LRRTM4: variants seen among roughly 807,000 people sequenced by gnomAD.
LRRTM4 encodes leucine rich repeat transmembrane neuronal 4, also known as leucine-rich repeat transmembrane neuronal protein 4.
A neutral mutation model predicts 47.6 loss-of-function variants in LRRTM4; 25 were observed. The observed-to-expected ratio is 0.53, with a 90% CI of 0.38 to 0.73. The LOEUF (loss-of-function observed/expected upper bound fraction) is 0.73. Ranked by LOEUF, LRRTM4 falls within the 30% of genes least tolerant of loss-of-function variation. The pLI, the probability that LRRTM4 is intolerant of heterozygous loss-of-function variation, is 0.00. For synonymous variants in LRRTM4, 311 were observed against 269.5 expected (o/e 1.15, Z -1.51); for missense variants, 638 against 713.4 (o/e 0.89, Z 1.20).
chr2:77,102,933 G>A (rs1670995149), intron 3 of LRRTM4, among the ~76,000 whole-genome samples: 1 of 152,106 alleles, frequency 6.6e-6, no homozygotes, highest in African/African-American at 2.4e-5. Flanking sequence ...GTGAGTCTCT[G>A]TGTCAGAGAC....
chr2:77,215,279 A>T (rs1302297288), intron 3 of LRRTM4, among the ~76,000 whole-genome samples: 1 of 152,208 alleles, frequency 6.6e-6, no homozygotes, highest in Non-Finnish European at 1.5e-5. Flanking sequence ...TTTCGAAGGG[A>T]ATGAGGTCAG....
At chr2:77,085,944 C>G (rs901122639) in intron 3 of LRRTM4, among the ~76,000 whole-genome samples, 1 of 152,126 alleles carries the variant, frequency 6.6e-6, no homozygotes, top group Non-Finnish European at 1.5e-5. Context: ...GAAGAAATTT[C>G]TTTATGCTAT....
At position 77,179,898 on chromosome 2, in the gene LRRTM4, ATAGT is replaced by A. The variant is rs200529031; in HGVS notation, c.1551+338416_1551+338419del. Among the ~76,000 whole-genome samples, 441 of 152,282 alleles carry A rather than the reference ATAGT, an allele frequency of 2.9e-3. 2 individuals are homozygous for A. The highest frequency in any genetic ancestry group is 9.4e-3 in the African/African-American group (389 of 41,584). On this transcript the variant is annotated intron_variant, in intron 3 of 3. Transcript: ENST00000409884. ...AAGTAAAAATTCACCAAGAAACAAC[ATAGT>A]TAATCAGAAATACATAAGTGTATTG...
chr2:77,351,590 T>C (rs1402658482), intron 3 of LRRTM4, among the ~76,000 whole-genome samples: 6 of 146,946 alleles, frequency 4.1e-5, no homozygotes, highest in Admixed American at 3.4e-4. Context: ...AAAATTAACA[T>C]GCTTTTGTGA....
intron 3 of LRRTM4, among the ~76,000 whole-genome samples, chr2:76,929,463 C>T (rs1364558557): frequency 2.6e-5 from 4 of 152,178 alleles, no homozygotes; most frequent in South Asian, 2.1e-4. Context: ...GTCCACCCAT[C>T]GGAGTTGGGT....
At chr2:77,007,180 A>G (rs1677686848) in intron 3 of LRRTM4, among the ~76,000 whole-genome samples, 1 of 152,036 alleles carries the variant, frequency 6.6e-6, no homozygotes, top group African/African-American at 2.4e-5. Context: ...ACACACACAC[A>G]CGCATATATA....
chr2:77,424,313 T>C (rs1490920507), intron 3 of LRRTM4, among the ~76,000 whole-genome samples: 1 of 152,342 alleles, frequency 6.6e-6, no homozygotes, highest in Admixed American at 6.5e-5. Context: ...GAAAAAAATG[T>C]TGAGAATTTC....
At chr2:77,198,876 C>T (rs1391499743) in intron 3 of LRRTM4, among the ~76,000 whole-genome samples, 1 of 152,132 alleles carries the variant, frequency 6.6e-6, no homozygotes, top group Non-Finnish European at 1.5e-5. Context: ...CATCATGTTG[C>T]CTGCATATAT....
rs199521864 is a variant in LRRTM4, at chr2:77,480,783, G to GCAGTGTGTGTGTGT, written c.1551+37534_1551+37535insACACACACACACTG. On this transcript the variant is annotated intron_variant, in intron 3 of 3. Coordinates refer to ENST00000409884, the MANE Select transcript of LRRTM4 (RefSeq NM_001134745.3). Reference sequence around the variant, plus strand: ...AAACTTGCTATGTGTGGCTGTTTTAGGAGTGTGTGTGTGTGTGTGTGTGTG... The same window carrying GCAGTGTGTGTGTGT: ...AAACTTGCTATGTGTGGCTGTTTTAGCAGTGTGTGTGTGTGAGTGTGTGTGTGTGTGTGTGTGTG... Among the ~76,000 whole-genome samples the GCAGTGTGTGTGTGT allele has an allele frequency of 2.7e-4, 26 of 97,102 alleles. 2 individuals carry two copies. The highest frequency in any genetic ancestry group is 1.8e-3 in the East Asian group (5 of 2,730). The allele number at this position is 97,102 out of a possible 152,430, so 63.7% of individuals were successfully genotyped here. A position where few individuals can be genotyped will look rare whatever the true frequency, so the allele number is the denominator to read the frequency against.
chr2:76,807,191 C>G (rs1342497255), intron 3 of LRRTM4, among the ~76,000 whole-genome samples: 12 of 151,560 alleles, frequency 7.9e-5, no homozygotes, highest in Non-Finnish European at 1.5e-5. Flanking sequence ...AAATAATGAA[C>G]ACTGTTTGAC....
chr2:76,766,019 T>C (rs990229387), intron 3 of LRRTM4, among the ~76,000 whole-genome samples: 11 of 152,196 alleles, frequency 7.2e-5, no homozygotes, highest in African/African-American at 2.7e-4. Context: ...ATCTAATTTA[T>C]AGACTCTGGA....
intron 3 of LRRTM4, among the ~76,000 whole-genome samples, chr2:76,807,443 TAC>T (rs1553412637): frequency 3.0e-5 from 3 of 99,506 alleles, no homozygotes; most frequent in African/African-American, 6.0e-5. Flanking sequence ...TATACGTATA[TAC>T]ATATATATAT....
At chr2:77,045,721 T>C (rs1324888902) in intron 3 of LRRTM4, among the ~76,000 whole-genome samples, 2 of 151,970 alleles carry the variant, frequency 1.3e-5, no homozygotes, top group South Asian at 4.1e-4. Flanking sequence ...ATTGTGAGGC[T>C]TCTCCAGCCA....
At position 77,309,688 on chromosome 2, in the gene LRRTM4, TA is replaced by T. The variant is rs1279489697; in HGVS notation, c.1551+208629del. 7.3e-5 allele frequency among the ~76,000 whole-genome samples: 4 copies of T among 54,506 alleles called. No individual in the cohort carries two copies. The East Asian group carries it at 1.5e-3, about 21-fold the overall frequency. 35.8% of individuals were successfully genotyped at this position (54,506 alleles called of 152,430 possible). A position where few individuals can be genotyped will look rare whatever the true frequency, so the allele number is the denominator to read the frequency against. ...TTTAGATAGATAGACAGATGATAGA[TA>T]GATAGATAGATAGATAGATAGATAG... On this transcript the variant is annotated intron_variant, in intron 3 of 3. Transcript: ENST00000409884.
chr2:77,160,581 A>G (rs1246796359), intron 3 of LRRTM4, among the ~76,000 whole-genome samples: 2 of 152,136 alleles, frequency 1.3e-5, no homozygotes, highest in South Asian at 2.1e-4. Flanking sequence ...GATGGATGCA[A>G]TCCAGATAAA....
rs553973007 is a variant in LRRTM4 at position 77,515,876 on chromosome 2, T to G, written c.1551+2442A>C. Among the ~76,000 whole-genome samples the G allele has an allele frequency of 6.4e-4, 97 of 151,988 alleles. 1 individual carries two copies. The highest frequency in any genetic ancestry group is 2.2e-3 in the African/African-American group (90 of 41,548). On this transcript the variant is annotated intron_variant, in intron 3 of 3. Coordinates refer to ENST00000409884, the MANE Select transcript of LRRTM4 (RefSeq NM_001134745.3). ...GTAATTAGGGTTTTCCCTATAACAATTTCTAAGAGTTTGCTTTTCCTCACC... is the reference window on the plus strand; with the variant it reads ...GTAATTAGGGTTTTCCCTATAACAAGTTCTAAGAGTTTGCTTTTCCTCACC...
chr2:76,921,355 G>T (rs11902175), intron 3 of LRRTM4, among the ~76,000 whole-genome samples: 2,177 of 152,124 alleles, frequency 0.014, 68 homozygotes, highest in African/African-American at 0.05. Context: ...AAATGTACGT[G>T]CTATTAAGAT....
At chr2:77,474,680 A>T (rs977386346) in intron 3 of LRRTM4, among the ~76,000 whole-genome samples, 1 of 152,124 alleles carries the variant, frequency 6.6e-6, no homozygotes, top group African/African-American at 2.4e-5. Context: ...CTTTATAATC[A>T]ACCTATATTT....
intron 3 of LRRTM4, among the ~76,000 whole-genome samples, chr2:77,226,352 T>TA (rs1457446734): frequency 1.3e-4 from 19 of 151,682 alleles, no homozygotes; most frequent in Admixed American, 1.3e-3. Flanking sequence ...AAACAGCTTC[T>TA]ATTCTTTTTT....
Sources: allele counts gnomAD v4.1 joint callset (sites outside exome capture counted in the v4.1 genomes callset), GRCh38; gene constraint gnomAD v4.1.1; transcripts MANE v1.5; gene names NCBI Gene and HGNC (gene_info 2026-07-23, HGNC 2026-07-21).